Variants in DGAT1 observed in about 807,000 individuals in gnomAD.
The protein encoded by DGAT1 is diacylglycerol O-acyltransferase 1, also known as ACAT related gene product 1.
In DGAT1, 60 loss-of-function variants were observed where a neutral mutation model predicts 72.6. The ratio of observed to expected loss-of-function variants is 0.83; its 90% CI spans 0.67 to 1.02. The LOEUF (loss-of-function observed/expected upper bound fraction) is 1.02. Among genes scored for constraint, DGAT1 ranks in the 50% least tolerant of loss-of-function variants. The probability of loss-of-function intolerance (pLI) is 0.00; values close to 1 mark genes in which losing one functional copy is unlikely to be tolerated. For synonymous variants in DGAT1, 290 were observed against 267.5 expected, an observed-to-expected ratio of 1.08 and a Z score of -0.82; for missense variants, 592 against 670.0, an observed-to-expected ratio of 0.88 and a Z score of 1.29.
rs367717255 is a variant in DGAT1, at chr8:144,316,691, C to A, written c.1330G>T (p.Val444Leu). The A allele has an allele frequency of 1.2e-6, 2 of 1,612,056 alleles. No individual in the cohort carries two copies. Among genetic ancestry groups the A allele is most frequent in the Non-Finnish European group, 8.5e-7 (1 of 1,179,584 alleles). Reference sequence around the variant, plus strand: ...TAGTTGCCCTGGAAAAAGCGGCCCACGAACCAGGCCAGTGGGATCTAGGGA... The same window carrying A: ...TAGTTGCCCTGGAAAAAGCGGCCCAAGAACCAGGCCAGTGGGATCTAGGGA... ...MMAQIPLAWF[V>L]GRFFQGNYGN... The change falls in exon 17 of 17, where the codon GTG becomes TTG. Residue 444 changes from valine (V) to leucine (L), a missense_variant. Physicochemically the swap from Val to Leu is conservative, Grantham distance 32. Coordinates refer to ENST00000528718, the MANE Select transcript of DGAT1 (RefSeq NM_012079.6).
rs371984204 is a variant in DGAT1 at position 144,319,056 on chromosome 8, C to T, written c.301G>A (p.Ala101Thr). The T allele has an allele frequency of 3.2e-6, 5 of 1,555,856 alleles. No homozygotes were observed. Among genetic ancestry groups the T allele is most frequent in the African/African-American group, 1.4e-5 (1 of 73,276 alleles). Residue 101 changes from alanine to threonine, a missense_variant, in exon 3 of 17, where the codon GCC (alanine) becomes ACC (threonine). Coordinates refer to ENST00000528718, the MANE Select transcript of DGAT1 (RefSeq NM_012079.6). Reference protein sequence around the residue: ...WCVVMLILSNARLFLENLIKY... With the variant: ...WCVVMLILSNTRLFLENLIKY... ...ATGAGGTTCTCCAGAAATAACCGGG[C>T]ATTGCTCAAGATCTGCGAGGGATGG...
In DGAT1 at chr8:144,316,021, C is replaced by A; in HGVS notation, c.*533G>T. The A allele has an allele frequency of 1.2e-6, 1 of 826,040 alleles. No individual in the cohort carries two copies. The highest frequency in any genetic ancestry group is 1.5e-6 in the Non-Finnish European group (1 of 682,782). 51.2% of individuals were successfully genotyped at this position (826,040 alleles called of 1,614,324 possible). ...GTGGGTGCAAGTTGACCATCCTGCA[C>A]TGAGGGCCAGAGTGCCGATTCCCGC... On this transcript the variant is annotated 3_prime_UTR_variant, in exon 17 of 17. Transcript: ENST00000528718.
At chr8:144,323,747 T>C (rs2130542979) in intron 1 of DGAT1, among the ~76,000 whole-genome samples, 1 of 152,196 alleles carries the variant, frequency 6.6e-6, no homozygotes, top group East Asian at 1.9e-4. Context: ...ACTGAGACCT[T>C]GGCACATGCC....
rs1364509246 is a variant in DGAT1, at chr8:144,314,838, C to T, written c.*1716G>A. The T allele has an allele frequency of 6.5e-6, 6 of 929,500 alleles. No homozygotes were observed. The highest frequency in any genetic ancestry group is 4.9e-5 in the South Asian group (1 of 20,540). 57.6% of individuals were successfully genotyped at this position (929,500 alleles called of 1,614,324 possible). ...GTGGCCTCCTGGGGGAAGACGGATG[C>T]TTGCAGCTAGCTCCGTGCCTGCCCG... On this transcript the variant is annotated 3_prime_UTR_variant, in exon 17 of 17. Transcript: ENST00000528718.
In DGAT1 at chr8:144,321,925, G is replaced by A. The variant is rs553844467; in HGVS notation, c.201-517C>T. Among the ~76,000 whole-genome samples, 5 of 152,378 alleles carry A rather than the reference G, an allele frequency of 3.3e-5. No homozygotes were observed. The East Asian group carries it at 9.6e-4, about 29-fold the overall frequency. On this transcript the variant is annotated intron_variant, in intron 1 of 16. Coordinates refer to ENST00000528718, the MANE Select transcript of DGAT1 (RefSeq NM_012079.6). ...GGACGTGCAGGCTCAAACTGGCAAA[G>A]GCAGGCCAGGCGCCAGCCACACACC...
chr8:144,324,975 A>T (rs991232396), intron 1 of DGAT1, among the ~76,000 whole-genome samples: 1 of 152,096 alleles, frequency 6.6e-6, no homozygotes, highest in African/African-American at 2.4e-5. Context: ...GAGGCAGGAG[A>T]ATCACTTGAA....
At chr8:144,322,417 T>C (rs1817483831) in intron 1 of DGAT1, among the ~76,000 whole-genome samples, 1 of 152,172 alleles carries the variant, frequency 6.6e-6, no homozygotes, top group African/African-American at 2.4e-5. Context: ...CACACGCACA[T>C]CTGCCCCTCA....
chr8:144,326,369 G>C lies in DGAT1; in HGVS notation c.200+68C>G, dbSNP rs992961247. The C allele has an allele frequency of 1.6e-4, 207 of 1,320,052 alleles. 2 individuals carry two copies. In the East Asian group the frequency reaches 6.0e-3, roughly 38 times the overall value. The allele number at this position is 1,320,052 out of a possible 1,614,324, so 81.8% of individuals were successfully genotyped here. On this transcript the variant is annotated intron_variant, in intron 1 of 16. Transcript: ENST00000528718. ...CCATGTTCTCGGACTCGGAGCTCGC[G>C]CTTCGGCCAACCCCGGAAAGTCGCG...
intron 1 of DGAT1, among the ~76,000 whole-genome samples, chr8:144,325,309 T>C (rs1377857048): frequency 6.6e-6 from 1 of 152,108 alleles, no homozygotes; most frequent in Non-Finnish European, 1.5e-5. Flanking sequence ...TTTGTCCATG[T>C]TGCTCCATGC....
rs142979788 is a variant in DGAT1 at position 144,315,090 on chromosome 8, T to C, written c.*1464A>G. On this transcript the variant is annotated 3_prime_UTR_variant, in exon 17 of 17. Coordinates refer to ENST00000528718, the MANE Select transcript of DGAT1 (RefSeq NM_012079.6). Reference sequence around the variant, plus strand: ...AGCCTGTCCCGTAGCTTTAGGGTTCTCCACTCAGCCTGGTGGAGGAAGGGA... The same window carrying C: ...AGCCTGTCCCGTAGCTTTAGGGTTCCCCACTCAGCCTGGTGGAGGAAGGGA... The C allele has an allele frequency of 9.0e-4, 883 of 985,502 alleles. 6 individuals carry two copies. The African/African-American group carries it at 0.015, about 16-fold the overall frequency. 61.0% of individuals were successfully genotyped at this position (985,502 alleles called of 1,614,324 possible). A position where few individuals can be genotyped will look rare whatever the true frequency, so the allele number is the denominator to read the frequency against.
chr8:144,319,205 T>G, intron 2 of DGAT1, 137 bp from the exon 3 acceptor site: 1 of 965,404 alleles, frequency 1.0e-6, no homozygotes, highest in Admixed American at 2.0e-5. Context: ...CCCAGCCCTG[T>G]CTGGTCTCCA....
intron 3 of DGAT1, 27 bp from the exon 4 acceptor site, chr8:144,318,947 G>A: frequency 6.3e-7 from 1 of 1,589,238 alleles, no homozygotes; most frequent in Non-Finnish European, 8.6e-7. Context: ...GGGGGTCTGA[G>A]TGGGTGGCAG....
Position 144,326,593 on chromosome 8 carries a change from C to T in DGAT1, c.44G>A (p.Arg15Gln), listed in dbSNP as rs1440005282. Residue 15 changes from arginine (R) to glutamine (Q), a missense_variant, in exon 1 of 17, where the codon CGG becomes CAG. Physicochemically the swap from Arg to Gln is conservative, Grantham distance 43 (BLOSUM62 1). Transcript: ENST00000528718. ...GSSRRRRTGS[R>Q]PSSHGGGGPA... Reference sequence around the variant, plus strand: ...CCCGCCGCCGCCGTGGCTCGAGGGCCGCGACCCTGTCCTCCGGCGCCGGGA... The same window carrying T: ...CCCGCCGCCGCCGTGGCTCGAGGGCTGCGACCCTGTCCTCCGGCGCCGGGA... The T allele has an allele frequency of 1.6e-6, 2 of 1,236,086 alleles. No individual in the cohort carries two copies. Among genetic ancestry groups the T allele is most frequent in the Non-Finnish European group, 1.0e-6 (1 of 989,614 alleles). The allele number at this position is 1,236,086 out of a possible 1,614,324, so 76.6% of individuals were successfully genotyped here.
At chr8:144,318,419 G>A in intron 6 of DGAT1, 42 bp downstream of exon 6, 2 of 1,609,572 alleles carry the variant, frequency 1.2e-6, no homozygotes, top group Non-Finnish European at 1.7e-6. Context: ...CCATGCCCGT[G>A]GCTGGCCCGA....
chr8:144,323,043 G>C (rs111768788), intron 1 of DGAT1, among the ~76,000 whole-genome samples: 1 of 152,212 alleles, frequency 6.6e-6, no homozygotes, highest in Non-Finnish European at 1.5e-5. Context: ...TGGGCTGTCT[G>C]TCTGGGGGCC....
At chr8:144,322,152 C>G (rs887841585) in intron 1 of DGAT1, among the ~76,000 whole-genome samples, 7 of 152,322 alleles carry the variant, frequency 4.6e-5, no homozygotes, top group Admixed American at 1.3e-4. Context: ...ACAGGCAGAC[C>G]CTGCCTGGTC....
Position 144,317,422 on chromosome 8 carries a change from G to T in DGAT1, c.1005C>A (p.Leu335=). ...AGTGGAAGAGCCAGTAGAAGAAGATGAGCCAGATGAGGTGATTGGGGACCT... is the reference window on the plus strand; with the variant it reads ...AGTGGAAGAGCCAGTAGAAGAAGATTAGCCAGATGAGGTGATTGGGGACCT... ...KLAVPNHLIW[L]IFFYWLFHSC... Residue 335 remains leucine, a synonymous_variant, in exon 13 of 17, where the codon CTC becomes CTA. Transcript: ENST00000528718. The T allele has an allele frequency of 6.2e-7, 1 of 1,613,884 alleles. No homozygotes were observed. The highest frequency in any genetic ancestry group is 8.5e-7 in the Non-Finnish European group (1 of 1,179,988).
chr8:144,318,233 G>A (rs782532886), intron 7 of DGAT1, 28 bp downstream of exon 7: 1 of 1,610,612 alleles, frequency 6.2e-7, no homozygotes, highest in Admixed American at 1.7e-5. Flanking sequence ...CCCCCAGCAG[G>A]CAGCCCCAGC....
rs1458676840 is a variant in DGAT1 at position 144,314,852 on chromosome 8, C to T, written c.*1702G>A. 5.2e-6 allele frequency: 5 copies of T among 961,334 alleles called. No individual in the cohort carries two copies. The highest frequency in any genetic ancestry group is 5.3e-4 in the Middle Eastern group (1 of 1,870). 59.6% of individuals were successfully genotyped at this position (961,334 alleles called of 1,614,324 possible). A position where few individuals can be genotyped will look rare whatever the true frequency, so the allele number is the denominator to read the frequency against. ...GAAGACGGATGCTTGCAGCTAGCTCCGTGCCTGCCCGACTCCCCAGGACCA... is the reference window on the plus strand; with the variant it reads ...GAAGACGGATGCTTGCAGCTAGCTCTGTGCCTGCCCGACTCCCCAGGACCA... On this transcript the variant is annotated 3_prime_UTR_variant, in exon 17 of 17. Coordinates refer to ENST00000528718, the MANE Select transcript of DGAT1 (RefSeq NM_012079.6).
Sources: allele counts gnomAD v4.1 joint callset (sites outside exome capture counted in the v4.1 genomes callset), GRCh38; gene constraint gnomAD v4.1.1; transcripts MANE v1.5; gene names NCBI Gene and HGNC (gene_info 2026-07-23, HGNC 2026-07-21).